The following SLC4A4 variants were observed in gnomAD, a reference collection of about 807,000 sequenced individuals.
SLC4A4 encodes electrogenic sodium bicarbonate cotransporter 1.
SLC4A4 carries 27 observed loss-of-function variants against 111.5 expected under a neutral mutation model. The observed-to-expected ratio is 0.24, with a 90% CI of 0.18 to 0.33. The LOEUF is 0.33. Among genes scored for constraint, SLC4A4 ranks in the 10% least tolerant of loss-of-function variants. SLC4A4 has a pLI of 1.00. For missense variants in SLC4A4, 909 were observed against 1,315.5 expected, an observed-to-expected ratio of 0.69 and a Z score of 4.78; for synonymous variants, 443 against 463.4, an observed-to-expected ratio of 0.96 and a Z score of 0.57.
intron 15 of SLC4A4, among the ~76,000 whole-genome samples, chr4:71,493,197 TTAAA>T (rs1341356455): frequency 3.3e-5 from 5 of 152,124 alleles, no homozygotes; most frequent in Admixed American, 2.0e-4. Context: ...AAGATGAATT[TTAAA>T]TAAATATTGA....
rs556375701 is a variant in SLC4A4 at position 71,097,900 on chromosome 4, T to C, written c.-2+5108T>C. Among the ~76,000 whole-genome samples the C allele has an allele frequency of 2.6e-5, 4 of 152,308 alleles. No individual in the cohort carries two copies. In the East Asian group the frequency reaches 7.7e-4, roughly 29 times the overall value. ...TTTTTCTCGTATATTTGTTTCTTTC[T>C]TGTAGATGCTGGATATTAGACCTTT... On this transcript the variant is annotated intron_variant, in intron 2 of 26. Coordinates refer to the SLC4A4 transcript ENST00000649996.
chr4:71,359,178 C>T (rs753569400), intron 6 of SLC4A4, among the ~76,000 whole-genome samples: 4 of 152,224 alleles, frequency 2.6e-5, no homozygotes, highest in Non-Finnish European at 4.4e-5. Flanking sequence ...TAATATCGCT[C>T]GCCATTCAAT....
In SLC4A4 at chr4:71,210,266, A is replaced by G. The variant is rs189170327; in HGVS notation, c.-2+22865A>G. 3.1e-3 allele frequency among the ~76,000 whole-genome samples: 470 copies of G among 152,318 alleles called. 4 individuals are homozygous for G. The highest frequency in any genetic ancestry group is 0.011 in the African/African-American group (443 of 41,576). ...CAACCCCCTGTGTAATTTTCTAGGC[A>G]GTAAGCAAGGGTGTGTTTACCATTA... On this transcript the variant is annotated intron_variant, in intron 1 of 25. Coordinates refer to ENST00000264485, the MANE Select transcript of SLC4A4 (RefSeq NM_001098484.3).
At chr4:71,488,725 A>G (rs1333696798) in intron 15 of SLC4A4, among the ~76,000 whole-genome samples, 1 of 151,732 alleles carries the variant, frequency 6.6e-6, no homozygotes, top group Non-Finnish European at 1.5e-5. Flanking sequence ...CTCGTATACC[A>G]TGATGCTTCA....
At chr4:71,376,934 C>T (rs749777210) in intron 6 of SLC4A4, among the ~76,000 whole-genome samples, 67 of 152,038 alleles carry the variant, frequency 4.4e-4, no homozygotes, top group Admixed American at 2.5e-3. Flanking sequence ...CCTCACCTGG[C>T]CTCATTTGGT....
intron 3 of SLC4A4, among the ~76,000 whole-genome samples, chr4:71,332,761 G>A (rs183745242): frequency 4.1e-4 from 63 of 152,296 alleles, no homozygotes; most frequent in Non-Finnish European, 7.2e-4. Context: ...GCCTGTCTGC[G>A]AGCTCACTAA....
intron 6 of SLC4A4, among the ~76,000 whole-genome samples, chr4:71,386,287 T>A (rs893164912): frequency 6.6e-6 from 1 of 151,946 alleles, no homozygotes; most frequent in Non-Finnish European, 1.5e-5. Flanking sequence ...AATTTTTAAA[T>A]TTTTTTTGGT....
chr4:71,521,318 A>G (rs2149193121), intron 16 of SLC4A4, among the ~76,000 whole-genome samples: 1 of 152,190 alleles, frequency 6.6e-6, no homozygotes, highest in East Asian at 1.9e-4. Context: ...TGCAGCCTCA[A>G]CCACCTGGGA....
intron 1 of SLC4A4, among the ~76,000 whole-genome samples, chr4:71,080,405 A>G (rs1741960446): frequency 6.6e-6 from 1 of 152,026 alleles, no homozygotes; most frequent in Non-Finnish European, 1.5e-5. Flanking sequence ...GATTCCTGAT[A>G]TGGGCAAAGT....
At chr4:71,428,354 G>A (rs1723331168) in intron 7 of SLC4A4, among the ~76,000 whole-genome samples, 1 of 152,006 alleles carries the variant, frequency 6.6e-6, no homozygotes, top group Admixed American at 6.6e-5. Context: ...AGATTTAAAG[G>A]CAGGGTGGCC....
At chr4:71,247,266 A>G (rs1421438366) in intron 2 of SLC4A4, among the ~76,000 whole-genome samples, 1 of 148,178 alleles carries the variant, frequency 6.7e-6, no homozygotes, top group African/African-American at 2.4e-5. Flanking sequence ...ATGTTCATCT[A>G]CTAATACAAT....
rs78390553 is a variant in SLC4A4 at position 71,236,594 on chromosome 4, C to T, written c.18C>T (p.Val6=). MEDEA[V]LDRGASFLKH... is the part of the protein sequence containing the mutation. ...ACTATAGGATGGAGGATGAAGCTGT[C>T]CTGGACAGAGGGGCTTCCTTCCTCA... Residue 6 remains valine (V), a synonymous_variant, in exon 2 of 26, where the codon GTC becomes GTT. Transcript: ENST00000264485. The T allele has an allele frequency of 2.8e-4, 448 of 1,613,648 alleles. 3 individuals carry two copies. In the East Asian group the frequency reaches 9.3e-3, roughly 34 times the overall value.
chr4:71,492,887 C>A (rs931276807), intron 15 of SLC4A4, among the ~76,000 whole-genome samples: 2 of 151,950 alleles, frequency 1.3e-5, no homozygotes, highest in African/African-American at 4.8e-5. Context: ...TTCTGACCAT[C>A]TGATCTTCAT....
At chr4:71,075,409 T>A (rs1334411478) in intron 1 of SLC4A4, among the ~76,000 whole-genome samples, 1 of 152,190 alleles carries the variant, frequency 6.6e-6, no homozygotes, top group Non-Finnish European at 1.5e-5. Flanking sequence ...CTCATTTCAA[T>A]CAGAGAAAAA....
chr4:71,399,153 CAG>C (rs992426776), intron 7 of SLC4A4, among the ~76,000 whole-genome samples: 1 of 152,088 alleles, frequency 6.6e-6, no homozygotes, highest in African/African-American at 2.4e-5. Context: ...CCATTTATAT[CAG>C]AGTCTTTAGC....
chr4:71,210,617 T>A (rs572859189), intron 1 of SLC4A4, among the ~76,000 whole-genome samples: 1 of 152,180 alleles, frequency 6.6e-6, no homozygotes, highest in South Asian at 2.1e-4. Flanking sequence ...CCAAGGAAAA[T>A]CTTAGGGAAA....
intron 3 of SLC4A4, among the ~76,000 whole-genome samples, chr4:71,291,361 T>A (rs1724334186): frequency 6.6e-6 from 1 of 152,188 alleles, no homozygotes; most frequent in South Asian, 2.1e-4. Context: ...TTAGTTATAA[T>A]GTGGGATCTG....
intron 9 of SLC4A4, among the ~76,000 whole-genome samples, chr4:71,448,132 C>A (rs555912311): frequency 6.6e-6 from 1 of 151,904 alleles, no homozygotes; most frequent in African/African-American, 2.4e-5. Flanking sequence ...CCAGCCTGAC[C>A]AACATGGTGA....
At chr4:71,314,698 G>A (rs980518) in intron 3 of SLC4A4, among the ~76,000 whole-genome samples, 20,923 of 152,002 alleles carry the variant, frequency 0.14, 2,189 homozygotes, top group African/African-American at 0.25. Flanking sequence ...ATTTTCACTC[G>A]TAAGTGGGAG....
Sources: allele counts gnomAD v4.1 joint callset (sites outside exome capture counted in the v4.1 genomes callset), GRCh38; gene constraint gnomAD v4.1.1; transcripts MANE v1.5; gene names NCBI Gene and HGNC (gene_info 2026-07-23, HGNC 2026-07-21).